The following WRNIP1 variants were observed in gnomAD, a reference collection of about 807,000 sequenced individuals.
WRNIP1 encodes the protein WRN helicase interacting protein 1, also known as ATPase WRNIP1.
Under a neutral mutation model 56.1 loss-of-function variants are expected in WRNIP1, and 41 were observed. That is an observed-to-expected ratio of 0.73 (90% CI 0.57 to 0.95). The LOEUF (loss-of-function observed/expected upper bound fraction) is 0.95, where lower values mean the gene tolerates loss of function less well. Ranked by LOEUF, WRNIP1 falls within the 40% of genes least tolerant of loss-of-function variation. The probability of loss-of-function intolerance (pLI) is 0.00; values close to 1 mark genes in which losing one functional copy is unlikely to be tolerated. For missense variants in WRNIP1, 1,170 were observed against 939.4 expected (o/e 1.25, Z -3.21); for synonymous variants, 547 against 398.1 (o/e 1.37, Z -4.45).
At position 2,780,557 on chromosome 6, in the gene WRNIP1, G is replaced by GC. The variant is rs1226684930; in HGVS notation, c.1486+1066dup. On this transcript the variant is annotated intron_variant, in intron 4 of 6. Transcript: ENST00000380773. ...TACATTGTGACGTGAATGTGCCTCA[G>GC]CGGGGCCTGCTCAGATGGCTGGCTC... 2.0e-5 allele frequency among the ~76,000 whole-genome samples: 3 copies of GC among 152,192 alleles called. No individual in the cohort carries two copies. In the East Asian group the frequency reaches 5.8e-4, roughly 29 times the overall value.
rs376236681 is a variant in WRNIP1, at chr6:2,766,327, G to A, written c.705G>A (p.Thr235=). ...TGGCCGACACGATGCGTCCTGACACGCTGCAGGATTACTTCGGGCAGAGCA... is the reference window on the plus strand; with the variant it reads ...TGGCCGACACGATGCGTCCTGACACACTGCAGGATTACTTCGGGCAGAGCA... ...KPLADTMRPD[T]LQDYFGQSKA... The change falls in exon 1 of 7, where the codon ACG becomes ACA. Residue 235 remains threonine (T), a synonymous_variant. Coordinates refer to ENST00000380773, the MANE Select transcript of WRNIP1 (RefSeq NM_020135.3). 2.5e-6 allele frequency: 4 copies of A among 1,610,686 alleles called. No individual in the cohort carries two copies. The highest frequency in any genetic ancestry group is 4.5e-5 in the East Asian group (2 of 44,728).
intron 3 of WRNIP1, 124 bp downstream of exon 3, chr6:2,770,485 C>G: frequency 7.4e-7 from 1 of 1,350,426 alleles, no homozygotes; most frequent in Non-Finnish European, 9.9e-7. Flanking sequence ...GTTGATCCGC[C>G]CGTAATGAAA....
intron 3 of WRNIP1, among the ~76,000 whole-genome samples, chr6:2,776,067 T>A (rs1269889840): frequency 6.6e-6 from 1 of 152,206 alleles, no homozygotes; most frequent in Admixed American, 6.5e-5. Flanking sequence ...CTGGGAACAC[T>A]CTTTCAAAAT....
At chr6:2,781,725 A>G (rs566560233) in intron 4 of WRNIP1, among the ~76,000 whole-genome samples, 98 of 152,384 alleles carry the variant, frequency 6.4e-4, no homozygotes, top group African/African-American at 2.3e-3. Context: ...AGTGTGTAAT[A>G]AAAGCAAACA....
intron 2 of WRNIP1, 66 bp downstream of exon 2, chr6:2,768,948 A>G: frequency 6.8e-7 from 1 of 1,466,214 alleles, no homozygotes. Context: ...GTGTGAGATC[A>G]CTATACAAAC....
chr6:2,784,538 T>C (rs769054636), intron 6 of WRNIP1, 135 bp downstream of exon 6: 7 of 880,334 alleles, frequency 8.0e-6, no homozygotes, highest in African/African-American at 3.3e-5. Flanking sequence ...GGCTTTGGAA[T>C]TCCAATTGTA....
intron 2 of WRNIP1, among the ~76,000 whole-genome samples, chr6:2,769,660 T>C (rs1765191463): frequency 1.3e-5 from 2 of 152,230 alleles, no homozygotes; most frequent in Non-Finnish European, 2.9e-5. Context: ...CTTAGTATTT[T>C]TTCCCCATAA....
Position 2,784,326 on chromosome 6 carries a change from C to T in WRNIP1, c.1645C>T (p.Leu549=), listed in dbSNP as rs749465880. The T allele has an allele frequency of 1.2e-6, 2 of 1,613,276 alleles. No individual in the cohort carries two copies. The highest frequency in any genetic ancestry group is 1.7e-6 in the Non-Finnish European group (2 of 1,179,404). ...TCCTTTGTCTCTGTGTGTGGCAGGT[C>T]TGGCAGACCCGTCTGCGTTAACACA... is the stretch of plus-strand genomic sequence containing the variant. ...LVRFASEDIG[L]ADPSALTQAV... is the part of the protein sequence containing the mutation. The change falls in exon 6 of 7, where the codon CTG becomes TTG. Residue 549 remains leucine (L), a splice_region_variant and synonymous_variant. Coordinates refer to ENST00000380773, the MANE Select transcript of WRNIP1 (RefSeq NM_020135.3).
intron 3 of WRNIP1, among the ~76,000 whole-genome samples, chr6:2,776,173 T>C (rs1387090258): frequency 6.6e-6 from 1 of 152,226 alleles, no homozygotes; most frequent in African/African-American, 2.4e-5. Context: ...CTTCCCATTC[T>C]AAGATCTCAG....
Position 2,785,391 on chromosome 6 carries a change from A to G in WRNIP1, c.*109A>G. 2 of 1,287,554 alleles carry G rather than the reference A, an allele frequency of 1.6e-6. No individual in the cohort carries two copies. The highest frequency in any genetic ancestry group is 2.1e-6 in the Non-Finnish European group (2 of 942,696). The allele number at this position is 1,287,554 out of a possible 1,614,324, so 79.8% of individuals were successfully genotyped here. On this transcript the variant is annotated 3_prime_UTR_variant, in exon 7 of 7. Transcript: ENST00000380773. ...CTGGTGGAAGTTAGAACAGACCAAC[A>G]TTTTGTGCCAGAAATTTAAGAGTTC...
intron 4 of WRNIP1, among the ~76,000 whole-genome samples, chr6:2,783,103 C>T (rs964629095): frequency 6.6e-6 from 1 of 152,122 alleles, no homozygotes; most frequent in African/African-American, 2.4e-5. Flanking sequence ...TTGTCTCTGG[C>T]AAATCCACCA....
rs1239239861 is a variant in WRNIP1 at position 2,786,900 on chromosome 6, AAATT to A, written c.*1619_*1622del. On this transcript the variant is annotated 3_prime_UTR_variant, in exon 7 of 7. Coordinates refer to ENST00000380773, the MANE Select transcript of WRNIP1 (RefSeq NM_020135.3). Reference sequence around the variant, plus strand: ...AGGGAAGTTTCTTTTTTTATTCAATAAATTTATTTATTTATGAGACCAACTCTTG... The same window carrying A: ...AGGGAAGTTTCTTTTTTTATTCAATATATTTATTTATGAGACCAACTCTTG... The A allele has an allele frequency of 1.3e-5, 2 of 152,032 alleles. No homozygotes were observed. The highest frequency in any genetic ancestry group is 2.9e-5 in the Non-Finnish European group (2 of 68,022). 9.4% of individuals were successfully genotyped at this position (152,032 alleles called of 1,614,324 possible).
Position 2,783,478 on chromosome 6 carries a change from A to G in WRNIP1, c.1559A>G (p.Tyr520Cys). The change falls in exon 5 of 7, where the codon TAC becomes TGC. Residue 520 changes from tyrosine (Y) to cysteine (C), a missense_variant. By Grantham distance (194) the Tyr-to-Cys change is radical. Coordinates refer to ENST00000380773, the MANE Select transcript of WRNIP1 (RefSeq NM_020135.3). ...GGCTCAGACCAGAACGCCTCCCTCT[A>G]CTGGCTGGCTCGCATGCTCGAGGGA... ...MRGSDQNASL[Y>C]WLARMLEGGE... 1.2e-6 allele frequency: 2 copies of G among 1,613,648 alleles called. No homozygotes were observed. The highest frequency in any genetic ancestry group is 1.7e-6 in the Non-Finnish European group (2 of 1,179,860).
At chr6:2,781,410 TATC>T (rs895035347) in intron 4 of WRNIP1, among the ~76,000 whole-genome samples, 4 of 152,238 alleles carry the variant, frequency 2.6e-5, no homozygotes, top group African/African-American at 9.6e-5. Flanking sequence ...GACACATAAA[TATC>T]ATTCAGATCT....
rs191526119 is a variant in WRNIP1, at chr6:2,766,156, G to C, written c.534G>C (p.Ala178=). Residue 178 remains alanine (A), a synonymous_variant, in exon 1 of 7, where the codon GCG becomes GCC. Coordinates refer to ENST00000380773, the MANE Select transcript of WRNIP1 (RefSeq NM_020135.3). ...GCGACGGCGATGGCGACGGGGACGC[G>C]GACGCGGACGGCGAGGACGACCCGG... The part of the protein sequence containing the change: ...AVGDGDGDGD[A]DADGEDDPGH... 3.6e-4 allele frequency: 481 copies of C among 1,329,412 alleles called. 1 individual carries two copies. The African/African-American group carries it at 6.8e-3, about 19-fold the overall frequency. The allele number at this position is 1,329,412 out of a possible 1,614,324, so 82.4% of individuals were successfully genotyped here. A position where few individuals can be genotyped will look rare whatever the true frequency, so the allele number is the denominator to read the frequency against.
Position 2,765,749 on chromosome 6 carries a change from C to T in WRNIP1, c.127C>T (p.His43Tyr), listed in dbSNP as rs781540327. 40 of 1,502,396 alleles carry T rather than the reference C, an allele frequency of 2.7e-5. No homozygotes were observed. Among genetic ancestry groups the T allele is most frequent in the Admixed American group, 4.1e-5 (2 of 49,130 alleles). The allele number at this position is 1,502,396 out of a possible 1,614,324, so 93.1% of individuals were successfully genotyped here. A position where few individuals can be genotyped will look rare whatever the true frequency, so the allele number is the denominator to read the frequency against. The change falls in exon 1 of 7, where the codon CAC (histidine) becomes TAC (tyrosine). Residue 43 changes from histidine (H) to tyrosine (Y), a missense_variant. Transcript: ENST00000380773. ...GCACCTGGACCGCTGTCTGCTGCTC[C>T]ACCCGGCGGGGCACGCGGAGCCCGC... is the stretch of plus-strand genomic sequence containing the variant. ...NSHLDRCLLL[H>Y]PAGHAEPAAG... is the part of the protein sequence containing the mutation.
In WRNIP1 at chr6:2,766,218, CCTTCGGGGCCAGT is replaced by C; in HGVS notation, c.597_609del (p.Phe200AlafsTer78). 4 of 1,484,768 alleles carry C rather than the reference CCTTCGGGGCCAGT, an allele frequency of 2.7e-6. No individual in the cohort carries two copies. Among genetic ancestry groups the C allele is most frequent in the Non-Finnish European group, 2.7e-6 (3 of 1,114,126 alleles). 92.0% of individuals were successfully genotyped at this position (1,484,768 alleles called of 1,614,324 possible). ...GCGGACGCTGCCGAAGCCGCCACCG[CCTTCGGGGCCAGT>C]GGCGGGGGCCGCCCGCACCCCCGGG... On this transcript the variant is annotated frameshift_variant, in exon 1 of 7. Transcript: ENST00000380773. LOFTEE classifies it high-confidence loss of function.
intron 3 of WRNIP1, 81 bp from the exon 4 acceptor site, chr6:2,779,182 A>T: frequency 7.1e-7 from 1 of 1,415,556 alleles, no homozygotes. Context: ...CCTTGCTGAG[A>T]AGTATGAGTT....
intron 1 of WRNIP1, among the ~76,000 whole-genome samples, chr6:2,767,588 G>C (rs1311784125): frequency 6.6e-6 from 1 of 152,226 alleles, no homozygotes; most frequent in African/African-American, 2.4e-5. Flanking sequence ...GATGGTGGTC[G>C]AGTTGTTGAC....
Sources: gnomAD v4.1 joint callset for allele counts (sites outside exome capture counted in the v4.1 genomes callset) on GRCh38, gnomAD v4.1.1 for gene constraint, MANE v1.5 for transcripts, NCBI Gene and HGNC (gene_info 2026-07-23, HGNC 2026-07-21) for gene names.